The following DOCK2 variants were observed in gnomAD, a reference collection of about 807,000 sequenced individuals.
The protein encoded by DOCK2 is dedicator of cytokinesis protein 2.
Under a neutral mutation model 248.9 loss-of-function variants are expected in DOCK2, and 87 were observed. The ratio of observed to expected loss-of-function variants is 0.35; its 90% confidence interval spans 0.29 to 0.42. The LOEUF (loss-of-function observed/expected upper bound fraction) is 0.42. Ranked by LOEUF, DOCK2 falls within the 10% of genes least tolerant of loss-of-function variation. The probability of loss-of-function intolerance (pLI) is 1.00; values close to 1 mark genes in which losing one functional copy is unlikely to be tolerated. For missense variants in DOCK2, 1,747 were observed against 2,300.2 expected, an observed-to-expected ratio of 0.76 and a Z score of 4.92; for synonymous variants, 805 against 821.6, an observed-to-expected ratio of 0.98 and a Z score of 0.35.
intron 9 of DOCK2, among the ~76,000 whole-genome samples, chr5:169,694,592 G>A (rs940907531): frequency 4.6e-5 from 7 of 152,186 alleles, no homozygotes; most frequent in African/African-American, 1.7e-4. Context: ...TGCAATAATT[G>A]TATGTACTTC....
At chr5:169,854,103 G>A (rs1051322298) in intron 27 of DOCK2, among the ~76,000 whole-genome samples, 1 of 151,566 alleles carries the variant, frequency 6.6e-6, no homozygotes, top group Non-Finnish European at 1.5e-5. Context: ...GATTACAGGT[G>A]TGAGCCACTG....
intron 27 of DOCK2, among the ~76,000 whole-genome samples, chr5:169,959,140 C>A (rs1037176788): frequency 1.3e-5 from 2 of 152,108 alleles, no homozygotes; most frequent in African/African-American, 4.8e-5. Context: ...TGCCTGTAAT[C>A]CCAGCACTTT....
chr5:169,950,404 C>T (rs1776612077), intron 27 of DOCK2, among the ~76,000 whole-genome samples: 1 of 152,228 alleles, frequency 6.6e-6, no homozygotes, highest in African/African-American at 2.4e-5. Flanking sequence ...CTCAGCATAA[C>T]AGTCTTTTTG....
At chr5:170,081,770 CTGTCTACCTCCCCCAAGGCACTGCCCCT>C in intron 50 of DOCK2, 44 bp from the exon 51 acceptor site, 1 of 1,370,328 alleles carries the variant, frequency 7.3e-7, no homozygotes, top group East Asian at 2.7e-5. Flanking sequence ...AGCCCTCCCC[CTGTCTACCTCCCCCAAGGCACTGCCCCT>C]CCTCTACCCA....
At chr5:169,679,574 A>G (rs1265391888) in intron 6 of DOCK2, among the ~76,000 whole-genome samples, 1 of 152,230 alleles carries the variant, frequency 6.6e-6, no homozygotes, top group African/African-American at 2.4e-5. Context: ...ATCCACTTTG[A>G]TAAATTTTGA....
At chr5:169,827,566 T>C (rs1278072649) in intron 26 of DOCK2, among the ~76,000 whole-genome samples, 1 of 152,194 alleles carries the variant, frequency 6.6e-6, no homozygotes, top group Non-Finnish European at 1.5e-5. Flanking sequence ...ATCAGGGCTA[T>C]GGATTAAAGG....
chr5:169,880,601 C>T (rs1772585285), intron 27 of DOCK2, among the ~76,000 whole-genome samples: 1 of 152,192 alleles, frequency 6.6e-6, no homozygotes, highest in African/African-American at 2.4e-5. Flanking sequence ...CTAGTAAAAA[C>T]AGGTATAAAC....
At chr5:169,937,103 C>T (rs1231059182) in intron 27 of DOCK2, among the ~76,000 whole-genome samples, 1 of 152,192 alleles carries the variant, frequency 6.6e-6, no homozygotes, top group Admixed American at 6.5e-5. Context: ...AAACTTCCAG[C>T]CAGCTGCCTG....
At chr5:170,060,432 G>GC (rs1005229670) in intron 44 of DOCK2, among the ~76,000 whole-genome samples, 2 of 152,196 alleles carry the variant, frequency 1.3e-5, no homozygotes, top group African/African-American at 4.8e-5. Context: ...AGTAGCAACA[G>GC]CCCCCTCCTC....
chr5:170,043,397 C>T (rs966907016), intron 38 of DOCK2, among the ~76,000 whole-genome samples: 1 of 152,202 alleles, frequency 6.6e-6, no homozygotes, highest in Non-Finnish European at 1.5e-5. Flanking sequence ...TCATCATTAT[C>T]CTACTCCACC....
intron 33 of DOCK2, among the ~76,000 whole-genome samples, chr5:170,021,942 C>T (rs1755743280): frequency 6.6e-6 from 1 of 152,158 alleles, no homozygotes. Context: ...GGCATTAGTA[C>T]ATGATGCCAA....
chr5:169,770,666 T>TTCCC (rs1452268503), intron 25 of DOCK2, among the ~76,000 whole-genome samples: 2 of 152,196 alleles, frequency 1.3e-5, no homozygotes. Flanking sequence ...TTTATATATA[T>TTCCC]TCCCAGTATT....
chr5:169,657,020 A>G (rs1758160590), intron 2 of DOCK2, among the ~76,000 whole-genome samples: 1 of 152,242 alleles, frequency 6.6e-6, no homozygotes, highest in Non-Finnish European at 1.5e-5. Flanking sequence ...ATTCATTGGT[A>G]AATGGCTAAT....
intron 41 of DOCK2, among the ~76,000 whole-genome samples, chr5:170,051,274 G>A (rs1341975093): frequency 6.6e-6 from 1 of 152,178 alleles, no homozygotes; most frequent in Non-Finnish European, 1.5e-5. Context: ...GGCCTGCAAG[G>A]CCATCCATGA....
intron 9 of DOCK2, among the ~76,000 whole-genome samples, chr5:169,690,826 A>G (rs1760255087): frequency 6.6e-6 from 1 of 152,202 alleles, no homozygotes; most frequent in Admixed American, 6.5e-5. Flanking sequence ...TCCTGCCTTC[A>G]TGGAATTCTG....
intron 1 of DOCK2, among the ~76,000 whole-genome samples, chr5:169,654,113 C>G (rs951194849): frequency 6.6e-6 from 1 of 152,210 alleles, no homozygotes; most frequent in African/African-American, 2.4e-5. Context: ...ATTTTAACTG[C>G]CTGGTGTACA....
intron 27 of DOCK2, among the ~76,000 whole-genome samples, chr5:169,851,331 AAT>A (rs1213730412): frequency 6.6e-6 from 1 of 152,216 alleles, no homozygotes; most frequent in Admixed American, 6.5e-5. Context: ...GGCAAACTAA[AAT>A]ATGACAGCTG....
chr5:169,888,110 C>T (rs1773079262), intron 27 of DOCK2, among the ~76,000 whole-genome samples: 1 of 152,182 alleles, frequency 6.6e-6, no homozygotes, highest in South Asian at 2.1e-4. Flanking sequence ...TAGACAGAGC[C>T]TAGGAAGTTT....
intron 29 of DOCK2, among the ~76,000 whole-genome samples, chr5:169,993,899 G>T (rs190319189): frequency 6.6e-6 from 1 of 151,560 alleles, no homozygotes; most frequent in African/African-American, 2.4e-5. Flanking sequence ...CAACCTTCTT[G>T]TTCCCTGGGA....
Sources: gnomAD v4.1 joint callset for allele counts (sites outside exome capture counted in the v4.1 genomes callset) on GRCh38, gnomAD v4.1.1 for gene constraint, MANE v1.5 for transcripts, NCBI Gene and HGNC (gene_info 2026-07-23, HGNC 2026-07-21) for gene names.